Variants in SAMD3 observed in about 807,000 individuals in gnomAD.
SAMD3 encodes the protein sterile alpha motif domain containing 3.
Under a neutral mutation model 58.5 loss-of-function variants are expected in SAMD3, and 63 were observed. The observed-to-expected ratio is 1.08, with a 90% CI of 0.88 to 1.33. The LOEUF is 1.33. Ranked by LOEUF, SAMD3 falls within the 40% of genes most tolerant of loss-of-function variation. The probability of loss-of-function intolerance (pLI) is 0.00; values close to 1 mark genes in which losing one functional copy is unlikely to be tolerated. For synonymous variants in SAMD3, 220 were observed against 210.3 expected (o/e 1.05, Z -0.40); for missense variants, 604 against 608.4 (o/e 0.99, Z 0.08).
chr6:130,313,615 A>G (rs1437672261), intron 1 of SAMD3, among the ~76,000 whole-genome samples: 1 of 152,104 alleles, frequency 6.6e-6, no homozygotes, highest in Non-Finnish European at 1.5e-5. Flanking sequence ...CACCAATGCC[A>G]CCCCACTGTC....
At chr6:130,241,450 A>G (rs1773356059) in intron 2 of SAMD3, among the ~76,000 whole-genome samples, 1 of 151,976 alleles carries the variant, frequency 6.6e-6, no homozygotes, top group Non-Finnish European at 1.5e-5. Context: ...CCCTGACCTT[A>G]TGATCCACCT....
intron 2 of SAMD3, among the ~76,000 whole-genome samples, chr6:130,298,079 A>G (rs1775628819): frequency 6.6e-6 from 1 of 152,208 alleles, no homozygotes; most frequent in Admixed American, 6.5e-5. Flanking sequence ...AGGTACAGTC[A>G]TCAGACTATC....
chr6:130,342,007 A>G (rs1019754448), intron 1 of SAMD3, among the ~76,000 whole-genome samples: 2 of 152,160 alleles, frequency 1.3e-5, no homozygotes, highest in African/African-American at 4.8e-5. Flanking sequence ...CCTTACCATA[A>G]TTGTTTGCTT....
At position 130,323,578 on chromosome 6, in the gene SAMD3, G is replaced by A. The variant is rs182214998; in HGVS notation, c.-303-10485C>T. 3.0e-4 allele frequency among the ~76,000 whole-genome samples: 45 copies of A among 151,948 alleles called. 2 individuals carry two copies. Among genetic ancestry groups the A allele is most frequent in the African/African-American group, 9.2e-4 (38 of 41,452 alleles). ...AGCACTTTGGGAGGCCAAGGCAGGC[G>A]GATCACTTGAGGCCAGGAGTTCAAG... is the stretch of plus-strand genomic sequence containing the variant. On this transcript the variant is annotated intron_variant, in intron 1 of 13. Transcript: ENST00000368134.
intron 2 of SAMD3, among the ~76,000 whole-genome samples, chr6:130,293,293 C>T (rs11969813): frequency 0.04 from 6,077 of 152,192 alleles, 384 homozygotes; most frequent in African/African-American, 0.14. Context: ...TCCAAGACTG[C>T]TAGTGTGAGC....
chr6:130,338,026 A>G (rs1312871873), intron 1 of SAMD3, among the ~76,000 whole-genome samples: 2 of 152,260 alleles, frequency 1.3e-5, no homozygotes, highest in East Asian at 3.8e-4. Flanking sequence ...AGACCTTCAC[A>G]GCAGCCCTTC....
At chr6:130,144,898 G>C in intron 11 of SAMD3, 94 bp from the exon 12 acceptor site, 1 of 1,145,926 alleles carries the variant, frequency 8.7e-7, no homozygotes, top group Non-Finnish European at 1.2e-6. Context: ...AAATCAGCTT[G>C]TTGCAATGTA....
At chr6:130,324,930 G>A (rs919505185) in intron 1 of SAMD3, among the ~76,000 whole-genome samples, 2 of 152,062 alleles carry the variant, frequency 1.3e-5, no homozygotes, top group Non-Finnish European at 2.9e-5. Context: ...GGAGCCAGGG[G>A]TTCTTGTGTA....
intron 1 of SAMD3, among the ~76,000 whole-genome samples, chr6:130,322,092 G>A (rs528285109): frequency 6.6e-6 from 1 of 152,296 alleles, no homozygotes; most frequent in African/African-American, 2.4e-5. Flanking sequence ...AAATCACTAT[G>A]GGAACTCATT....
intron 9 of SAMD3, among the ~76,000 whole-genome samples, chr6:130,154,549 TTGGGCATGG>T: frequency 1.3e-5 from 2 of 151,408 alleles, no homozygotes. Flanking sequence ...CAAAAACTAG[TTGGGCATGG>T]TGGCACACAC....
At chr6:130,164,086 A>G (rs942045019) in intron 8 of SAMD3, among the ~76,000 whole-genome samples, 9 of 21,468 alleles carry the variant, frequency 4.2e-4, no homozygotes, top group African/African-American at 1.8e-3. Context: ...AAGTAGGTTG[A>G]AAAAAAAAAA....
chr6:130,186,857 G>A (rs935743246), intron 5 of SAMD3, among the ~76,000 whole-genome samples: 6 of 138,352 alleles, frequency 4.3e-5, no homozygotes, highest in Admixed American at 7.9e-5. Flanking sequence ...TGCAACCTCC[G>A]CCTCCCGGGT....
intron 5 of SAMD3, among the ~76,000 whole-genome samples, chr6:130,186,661 C>T (rs1230308115): frequency 6.6e-6 from 1 of 151,834 alleles, no homozygotes; most frequent in African/African-American, 2.4e-5. Context: ...TATTCTATTA[C>T]TTTGTTTCTT....
chr6:130,183,569 G>A, intron 7 of SAMD3: 1 of 371,334 alleles, frequency 2.7e-6, no homozygotes, highest in Non-Finnish European at 5.2e-6. Flanking sequence ...ATCTCCTAAA[G>A]ACCCTTCCTA....
upstream of SAMD3, among the ~76,000 whole-genome samples, chr6:130,224,869 C>T (rs751576358): frequency 3.3e-5 from 5 of 152,140 alleles, no homozygotes; most frequent in African/African-American, 4.8e-5. Flanking sequence ...CCGCCTGCCT[C>T]GGCCTCCTAA....
chr6:130,174,423 T>A (rs1791540287), intron 8 of SAMD3, among the ~76,000 whole-genome samples: 1 of 152,238 alleles, frequency 6.6e-6, no homozygotes, highest in South Asian at 2.1e-4. Context: ...AGGAGGTCCC[T>A]GGCTCCTTGC....
chr6:130,195,664 C>T (rs1336036438), intron 5 of SAMD3, among the ~76,000 whole-genome samples: 2 of 152,256 alleles, frequency 1.3e-5, no homozygotes, highest in Admixed American at 6.5e-5. Flanking sequence ...ACCCTGACAC[C>T]CATCAGGCTC....
chr6:130,286,664 C>T (rs1775166426), intron 2 of SAMD3, among the ~76,000 whole-genome samples: 1 of 148,042 alleles, frequency 6.8e-6, no homozygotes, highest in East Asian at 2.1e-4. Flanking sequence ...TTTAAATTTT[C>T]TCCTTCATTG....
intron 9 of SAMD3, among the ~76,000 whole-genome samples, chr6:130,146,707 G>T (rs1261633465): frequency 6.6e-6 from 1 of 152,158 alleles, no homozygotes; most frequent in Non-Finnish European, 1.5e-5. Context: ...GGGCACGGTG[G>T]CTCATGATTA....
Sources: gnomAD v4.1 joint callset for allele counts (sites outside exome capture counted in the v4.1 genomes callset) on GRCh38, gnomAD v4.1.1 for gene constraint, MANE v1.5 for transcripts, NCBI Gene and HGNC (gene_info 2026-07-23, HGNC 2026-07-21) for gene names.